The following CLSTN2 variants were observed in gnomAD, a reference collection of about 807,000 sequenced individuals.
The protein encoded by CLSTN2 is calsyntenin 2, also known as calsyntenin-2.
Under a neutral mutation model 101.2 loss-of-function variants are expected in CLSTN2, and 48 were observed. The observed-to-expected ratio is 0.47, with a 90% confidence interval of 0.38 to 0.60. The LOEUF (loss-of-function observed/expected upper bound fraction) is 0.60, where lower values mean the gene tolerates loss of function less well. Ranked by LOEUF, CLSTN2 falls within the 20% of genes least tolerant of loss-of-function variation. The pLI, the probability that CLSTN2 is intolerant of heterozygous loss-of-function variation, is 0.00. For missense variants in CLSTN2, 1,160 were observed against 1,238.2 expected (o/e 0.94, Z 0.95); for synonymous variants, 481 against 463.6 (o/e 1.04, Z -0.48).
intron 1 of CLSTN2, among the ~76,000 whole-genome samples, chr3:140,065,291 G>A (rs1026851623): frequency 2.6e-5 from 4 of 152,210 alleles, no homozygotes; most frequent in African/African-American, 9.6e-5. Context: ...ACAGCGTCCT[G>A]TCTTTGAGGC....
intron 1 of CLSTN2, among the ~76,000 whole-genome samples, chr3:140,103,506 A>G (rs2009002599): frequency 1.3e-5 from 2 of 152,206 alleles, no homozygotes; most frequent in Admixed American, 6.5e-5. Flanking sequence ...TAGAGATTAT[A>G]CATTTAACTT....
At chr3:140,330,495 A>G (rs1186976253) in intron 2 of CLSTN2, among the ~76,000 whole-genome samples, 2 of 152,214 alleles carry the variant, frequency 1.3e-5, no homozygotes, top group East Asian at 1.9e-4. Context: ...CAGTTTGCCC[A>G]TAGCAATAAC....
At chr3:140,411,060 A>G (rs1266019917) in intron 4 of CLSTN2, among the ~76,000 whole-genome samples, 3 of 152,198 alleles carry the variant, frequency 2.0e-5, no homozygotes, top group African/African-American at 7.2e-5. Flanking sequence ...AAAGGTTGAC[A>G]AAATGGAGAT....
intron 9 of CLSTN2, among the ~76,000 whole-genome samples, chr3:140,536,509 A>G (rs1251904059): frequency 6.6e-6 from 1 of 151,988 alleles, no homozygotes; most frequent in Non-Finnish European, 1.5e-5. Context: ...TCACATATAG[A>G]CCCTGATGAC....
intron 1 of CLSTN2, among the ~76,000 whole-genome samples, chr3:140,005,329 G>C (rs528836081): frequency 6.6e-6 from 1 of 152,238 alleles, no homozygotes; most frequent in East Asian, 1.9e-4. Flanking sequence ...TGTAATTATT[G>C]GTTCCCTTGT....
intron 1 of CLSTN2, among the ~76,000 whole-genome samples, chr3:139,956,434 G>T (rs1935401298): frequency 6.6e-6 from 1 of 152,174 alleles, no homozygotes; most frequent in Non-Finnish European, 1.5e-5. Context: ...TGGTTGTCTT[G>T]TTAGTCACCC....
intron 8 of CLSTN2, among the ~76,000 whole-genome samples, chr3:140,503,530 T>C (rs1934623566): frequency 1.3e-5 from 2 of 151,990 alleles, no homozygotes; most frequent in South Asian, 4.1e-4. Flanking sequence ...TGTTCGACAA[T>C]GAAGAAATAA....
At chr3:140,281,228 C>T (rs966427235) in intron 2 of CLSTN2, among the ~76,000 whole-genome samples, 1 of 152,118 alleles carries the variant, frequency 6.6e-6, no homozygotes, top group Non-Finnish European at 1.5e-5. Flanking sequence ...CCCTAGAATA[C>T]AATATAAATG....
chr3:140,394,167 A>G (rs954579964), intron 2 of CLSTN2, among the ~76,000 whole-genome samples: 2 of 152,134 alleles, frequency 1.3e-5, no homozygotes, highest in Admixed American at 1.3e-4. Flanking sequence ...GACTTACTAC[A>G]TTCTCAGTTT....
chr3:140,529,770 T>C (rs1935216329), intron 8 of CLSTN2, among the ~76,000 whole-genome samples: 2 of 152,234 alleles, frequency 1.3e-5, no homozygotes. Flanking sequence ...CAAGCATTCC[T>C]ACCTTTGACT....
intron 7 of CLSTN2, among the ~76,000 whole-genome samples, 182 bp from the exon 8 acceptor site, chr3:140,466,428 C>T (rs1034212864): frequency 2.0e-5 from 3 of 152,150 alleles, no homozygotes; most frequent in African/African-American, 7.2e-5. Context: ...TCCTCTTCCA[C>T]TTTGGAAGAG....
chr3:140,100,324 G>T (rs554815658), intron 1 of CLSTN2, among the ~76,000 whole-genome samples: 4 of 151,902 alleles, frequency 2.6e-5, no homozygotes, highest in Admixed American at 6.6e-5. Flanking sequence ...ACCATAAAAT[G>T]TAGAGTTTGC....
At chr3:139,982,156 A>G (rs1336984983) in intron 1 of CLSTN2, among the ~76,000 whole-genome samples, 1 of 152,164 alleles carries the variant, frequency 6.6e-6, no homozygotes, top group Non-Finnish European at 1.5e-5. Context: ...GCAAATTAAA[A>G]TACACAACTA....
intron 8 of CLSTN2, among the ~76,000 whole-genome samples, chr3:140,512,358 AT>A (rs1345848891): frequency 2.0e-5 from 3 of 152,104 alleles, no homozygotes; most frequent in Admixed American, 6.5e-5. Flanking sequence ...TCCCAGCACG[AT>A]TTATTAAATA....
intron 2 of CLSTN2, among the ~76,000 whole-genome samples, chr3:140,292,745 G>A (rs1282232777): frequency 1.3e-5 from 2 of 152,220 alleles, no homozygotes; most frequent in Admixed American, 1.3e-4. Context: ...GGTGAGCATA[G>A]CAATATAGCC....
intron 1 of CLSTN2, among the ~76,000 whole-genome samples, chr3:140,079,150 G>T (rs2008543477): frequency 6.6e-6 from 1 of 152,108 alleles, no homozygotes; most frequent in African/African-American, 2.4e-5. Context: ...CTTCTAACAT[G>T]GTGCCTGGTA....
chr3:140,041,992 T>C (rs2007770822), intron 1 of CLSTN2, among the ~76,000 whole-genome samples: 1 of 152,328 alleles, frequency 6.6e-6, no homozygotes, highest in South Asian at 2.1e-4. Flanking sequence ...AATGGCTGTA[T>C]AATATATATC....
intron 2 of CLSTN2, among the ~76,000 whole-genome samples, chr3:140,191,343 A>G (rs1443398391): frequency 2.0e-5 from 3 of 151,958 alleles, no homozygotes; most frequent in Non-Finnish European, 2.9e-5. Context: ...TTTAATCCAT[A>G]TTTATGAGGA....
intron 1 of CLSTN2, among the ~76,000 whole-genome samples, chr3:140,085,204 T>C (rs960187433): frequency 8.5e-5 from 13 of 152,192 alleles, no homozygotes; most frequent in Non-Finnish European, 1.6e-4. Flanking sequence ...AGAAAAGAAA[T>C]CAACAAACAG....
Sources: allele counts gnomAD v4.1 joint callset (sites outside exome capture counted in the v4.1 genomes callset), GRCh38; gene constraint gnomAD v4.1.1; transcripts MANE v1.5; gene names NCBI Gene and HGNC (gene_info 2026-07-23, HGNC 2026-07-21).